The following SUPT3H variants were observed in gnomAD, a reference collection of about 807,000 sequenced individuals.
SUPT3H encodes SPT3 homolog, SAGA and STAGA complex component.
Under a neutral mutation model 44.3 loss-of-function variants are expected in SUPT3H, and 44 were observed. That is an observed-to-expected ratio of 0.99 (90% CI 0.78 to 1.28). SUPT3H has a LOEUF of 1.28. SUPT3H is among the 50% of genes most tolerant of loss of function. The pLI, the probability that SUPT3H is intolerant of heterozygous loss-of-function variation, is 0.00. For synonymous variants in SUPT3H, 124 were observed against 125.6 expected, an observed-to-expected ratio of 0.99 and a Z score of 0.09; for missense variants, 380 against 387.1, an observed-to-expected ratio of 0.98 and a Z score of 0.15.
intron 10 of SUPT3H, among the ~76,000 whole-genome samples, chr6:44,916,631 C>G (rs1305058421): frequency 6.6e-6 from 1 of 152,156 alleles, no homozygotes; most frequent in Non-Finnish European, 1.5e-5. Context: ...CCAATTATGG[C>G]TCTGGGTCTC....
rs139519246 is a variant in SUPT3H, at chr6:45,350,642, A to G, written c.101+14559T>C. Among the ~76,000 whole-genome samples, 325 of 152,280 alleles carry G rather than the reference A, an allele frequency of 2.1e-3. 1 individual carries two copies. The highest frequency in any genetic ancestry group is 7.5e-3 in the African/African-American group (311 of 41,558). ...CTTCAAAGCAAATAATAATTTCTAAAAATAATTTCTGGCTGCTAAGATGTG... is the reference window on the plus strand; with the variant it reads ...CTTCAAAGCAAATAATAATTTCTAAGAATAATTTCTGGCTGCTAAGATGTG... On this transcript the variant is annotated intron_variant, in intron 2 of 10. Coordinates refer to ENST00000371459, the MANE Select transcript of SUPT3H (RefSeq NM_003599.4).
intron 9 of SUPT3H, 126 bp downstream of exon 9, chr6:44,953,184 G>T: frequency 1.4e-6 from 1 of 696,372 alleles, no homozygotes. Flanking sequence ...AATGTCTAAT[G>T]TATTAAGATT....
rs546532517 is a variant in SUPT3H, at chr6:45,167,500, G to C, written c.102-61494C>G. 5.7e-4 allele frequency among the ~76,000 whole-genome samples: 86 copies of C among 152,106 alleles called. 1 individual carries two copies. The highest frequency in any genetic ancestry group is 1.1e-3 in the Non-Finnish European group (73 of 68,016). ...ATTTTTGGTAGTAAGGCCAATTGAA[G>C]GCCAATTTTTCTCAACCTTTTTCTG... On this transcript the variant is annotated intron_variant, in intron 2 of 10. Coordinates refer to ENST00000371459, the MANE Select transcript of SUPT3H (RefSeq NM_003599.4).
chr6:44,984,796 T>TTAATATGTTA (rs1779556938), intron 6 of SUPT3H, among the ~76,000 whole-genome samples: 1 of 152,128 alleles, frequency 6.6e-6, no homozygotes, highest in Admixed American at 6.6e-5. Flanking sequence ...CATCAGGGCA[T>TTAATATGTTA]TGCCAGAAAC....
At chr6:44,879,309 G>C (rs1458277154) in intron 10 of SUPT3H, among the ~76,000 whole-genome samples, 1 of 152,224 alleles carries the variant, frequency 6.6e-6, no homozygotes, top group Non-Finnish European at 1.5e-5. Flanking sequence ...AAAGCTGCCT[G>C]GAACTTTGAA....
At chr6:45,111,686 T>C (rs1287609858) in intron 2 of SUPT3H, among the ~76,000 whole-genome samples, 2 of 152,214 alleles carry the variant, frequency 1.3e-5, no homozygotes, top group Non-Finnish European at 2.9e-5. Flanking sequence ...GGGAAATTTA[T>C]TCCTTCATCT....
chr6:45,186,530 G>A (rs570052135), intron 2 of SUPT3H, among the ~76,000 whole-genome samples: 1 of 152,276 alleles, frequency 6.6e-6, no homozygotes, highest in South Asian at 2.1e-4. Context: ...ATGTTAGAGT[G>A]GAGATGACAG....
chr6:45,139,512 T>A (rs1367650347), intron 2 of SUPT3H, among the ~76,000 whole-genome samples: 1 of 152,032 alleles, frequency 6.6e-6, no homozygotes, highest in Admixed American at 6.6e-5. Context: ...TCACAGATCC[T>A]TTGAAACAAA....
At chr6:44,815,347 G>A (rs1300235171) in intron 11 of SUPT3H, among the ~76,000 whole-genome samples, 1 of 152,160 alleles carries the variant, frequency 6.6e-6, no homozygotes, top group Non-Finnish European at 1.5e-5. Flanking sequence ...AGATTTAAAT[G>A]TAACCATATC....
At chr6:45,137,782 A>G (rs1305418990) in intron 2 of SUPT3H, among the ~76,000 whole-genome samples, 1 of 151,978 alleles carries the variant, frequency 6.6e-6, no homozygotes, top group Non-Finnish European at 1.5e-5. Context: ...TATAAATTCA[A>G]CCATGACAAT....
chr6:45,108,172 T>C (rs1385010991), intron 2 of SUPT3H, among the ~76,000 whole-genome samples: 1 of 152,078 alleles, frequency 6.6e-6, no homozygotes, highest in African/African-American at 2.4e-5. Context: ...GCAAAGCAAT[T>C]AGGTAAGAAA....
At chr6:44,970,749 T>G (rs1468352052) in intron 6 of SUPT3H, among the ~76,000 whole-genome samples, 1 of 152,196 alleles carries the variant, frequency 6.6e-6, no homozygotes, top group Non-Finnish European at 1.5e-5. Flanking sequence ...AGGGATATGG[T>G]TAAATATTTT....
rs184803458 is a variant in SUPT3H at position 44,838,922 on chromosome 6, G to C, written c.913-9065C>G. 8.5e-5 allele frequency among the ~76,000 whole-genome samples: 13 copies of C among 152,248 alleles called. No individual in the cohort carries two copies. In the East Asian group the frequency reaches 2.5e-3, roughly 29 times the overall value. On this transcript the variant is annotated intron_variant, in intron 10 of 10. Transcript: ENST00000371459. ...ATTACACATCTATATTTCTAAAACA[G>C]AGTTGTGTTAAATTTGCCATGGACA...
At position 45,040,698 on chromosome 6, in the gene SUPT3H, T is replaced by C. The variant is rs73737851; in HGVS notation, c.187-20066A>G. 3.9e-3 allele frequency among the ~76,000 whole-genome samples: 595 copies of C among 152,316 alleles called. 7 individuals carry two copies. Among genetic ancestry groups the C allele is most frequent in the African/African-American group, 0.014 (567 of 41,584 alleles). ...TTTGCTCTCAAATAATAATACTAAT[T>C]ACCAATAATCCTGTTGAATAACAGA... On this transcript the variant is annotated intron_variant, in intron 3 of 10. Transcript: ENST00000371459.
intron 2 of SUPT3H, among the ~76,000 whole-genome samples, chr6:45,179,316 C>T (rs1435281165): frequency 6.6e-6 from 1 of 152,084 alleles, no homozygotes; most frequent in East Asian, 1.9e-4. Context: ...GGAACTGGTA[C>T]CATTCCTTCT....
chr6:45,040,842 T>C (rs1788421440), intron 3 of SUPT3H, among the ~76,000 whole-genome samples: 1 of 152,194 alleles, frequency 6.6e-6, no homozygotes, highest in Non-Finnish European at 1.5e-5. Context: ...AAACTGAATA[T>C]TCTGTTTCCT....
chr6:44,834,290 A>G (rs1179335784), intron 10 of SUPT3H, among the ~76,000 whole-genome samples: 1 of 152,166 alleles, frequency 6.6e-6, no homozygotes, highest in Admixed American at 6.5e-5. Context: ...GGAAATTCTA[A>G]TTTTGGCATT....
chr6:44,871,118 G>A (rs10456538), intron 10 of SUPT3H, among the ~76,000 whole-genome samples: 60,925 of 148,138 alleles, frequency 0.41, 12,907 homozygotes, highest in East Asian at 0.69. Flanking sequence ...AAAAGCAGCC[G>A]GGAAGCTCGA....
intron 10 of SUPT3H, among the ~76,000 whole-genome samples, chr6:44,919,710 C>G (rs140152973): frequency 1.3e-5 from 2 of 152,178 alleles, no homozygotes; most frequent in East Asian, 3.9e-4. Flanking sequence ...TTATTCTATA[C>G]GGCAAATATA....
Sources: allele counts gnomAD v4.1 joint callset (sites outside exome capture counted in the v4.1 genomes callset), GRCh38; gene constraint gnomAD v4.1.1; transcripts MANE v1.5; gene names NCBI Gene and HGNC (gene_info 2026-07-23, HGNC 2026-07-21).